CASD1: variants seen among roughly 807,000 people sequenced by gnomAD.
CASD1 encodes the protein CAS1 domain sialic acid O acetyltransferase 1, also known as N-acetylneuraminate (7)9-O-acetyltransferase.
CASD1 carries 41 observed loss-of-function variants against 100.0 expected under a neutral mutation model. The observed-to-expected ratio is 0.41, with a 90% CI of 0.32 to 0.53. CASD1 has a LOEUF of 0.53. Among genes scored for constraint, CASD1 ranks in the 20% least tolerant of loss-of-function variants. The probability of loss-of-function intolerance (pLI) is 0.25; values close to 1 mark genes in which losing one functional copy is unlikely to be tolerated. For synonymous variants in CASD1, 321 were observed against 315.6 expected (o/e 1.02, Z -0.18); for missense variants, 774 against 948.7 (o/e 0.82, Z 2.42).
chr7:94,596,995 C>G, the CASD1 span, among the ~76,000 whole-genome samples: 1 of 152,062 alleles, frequency 6.6e-6, no homozygotes, highest in African/African-American at 2.4e-5. Flanking sequence ...TTGTTAAATT[C>G]TGAATTATTA....
the CASD1 span, among the ~76,000 whole-genome samples, chr7:94,579,486 A>C: frequency 6.6e-6 from 1 of 152,200 alleles, no homozygotes; most frequent in African/African-American, 2.4e-5. Flanking sequence ...ACCTTTAAAA[A>C]TGTAAGATTT....
chr7:94,522,662 A>AT (rs66505752), intron 3 of CASD1, among the ~76,000 whole-genome samples: 146,418 of 148,184 alleles, frequency 0.99, 72,334 homozygotes, highest in Middle Eastern at 0.99. Context: ...ATTTTTATTT[A>AT]TTTTTTTTTT....
At chr7:94,624,261 G>T in the CASD1 span, 1 of 396,492 alleles carries the variant, frequency 2.5e-6, no homozygotes, top group Non-Finnish European at 4.4e-6. Context: ...TGAGACAAAA[G>T]AGTAGGATAA....
intron 7 of CASD1, among the ~76,000 whole-genome samples, chr7:94,534,356 C>T (rs998375548): frequency 6.6e-6 from 1 of 151,652 alleles, no homozygotes; most frequent in Admixed American, 6.6e-5. Context: ...TTGATAGAGA[C>T]AGGGTTTCGC....
the CASD1 span, among the ~76,000 whole-genome samples, chr7:94,596,776 A>G: frequency 6.6e-6 from 1 of 152,128 alleles, no homozygotes; most frequent in Non-Finnish European, 1.5e-5. Flanking sequence ...GATTTGTTTC[A>G]TGTTAGAATT....
At chr7:94,578,451 C>T in the CASD1 span, among the ~76,000 whole-genome samples, 1 of 152,168 alleles carries the variant, frequency 6.6e-6, no homozygotes, top group Non-Finnish European at 1.5e-5. Context: ...GCCCAACTGC[C>T]TGTAGTATAT....
At chr7:94,538,427 C>T (rs1795221980) in intron 9 of CASD1, among the ~76,000 whole-genome samples, 1 of 152,060 alleles carries the variant, frequency 6.6e-6, no homozygotes, top group South Asian at 2.1e-4. Flanking sequence ...AACTTCTTTA[C>T]AAGGCATGAT....
the CASD1 span, chr7:94,599,709 A>G: frequency 1.2e-6 from 2 of 1,609,606 alleles, no homozygotes; most frequent in Non-Finnish European, 1.7e-6. Context: ...TGGTGTTTGC[A>G]TGTTTCTCTT....
chr7:94,551,640 A>G (rs1795954718), intron 15 of CASD1, 162 bp downstream of exon 15: 2 of 283,482 alleles, frequency 7.1e-6, no homozygotes, highest in East Asian at 1.3e-4. Flanking sequence ...TTGATAGGAT[A>G]GCTAGACAAA....
intron 9 of CASD1, among the ~76,000 whole-genome samples, chr7:94,538,689 A>G (rs1795234806): frequency 6.6e-6 from 1 of 152,168 alleles, no homozygotes; most frequent in African/African-American, 2.4e-5. Context: ...TTTAATTTTA[A>G]TACATTGTCA....
the CASD1 span, among the ~76,000 whole-genome samples, chr7:94,567,492 C>T: frequency 3.9e-5 from 6 of 152,022 alleles, no homozygotes; most frequent in African/African-American, 1.4e-4. Flanking sequence ...CATGTGTATA[C>T]TTCATTTTTG....
chr7:94,612,345 T>A, the CASD1 span, among the ~76,000 whole-genome samples: 1 of 152,196 alleles, frequency 6.6e-6, no homozygotes, highest in African/African-American at 2.4e-5. Flanking sequence ...CCAAAAGAAC[T>A]ATTTTCATTT....
intron 3 of CASD1, among the ~76,000 whole-genome samples, chr7:94,523,830 G>GTGGTAT (rs1314957704): frequency 1.1e-4 from 16 of 152,170 alleles, no homozygotes; most frequent in African/African-American, 3.9e-4. Context: ...TTAAAACAGT[G>GTGGTAT]TGGTATTGGT....
intron 3 of CASD1, among the ~76,000 whole-genome samples, chr7:94,519,936 A>G (rs1440088315): frequency 1.3e-5 from 2 of 152,230 alleles, no homozygotes; most frequent in Admixed American, 6.5e-5. Context: ...GAAAAAAGCT[A>G]TAATGGTTTA....
intron 13 of CASD1, among the ~76,000 whole-genome samples, chr7:94,547,629 T>A (rs1455441623): frequency 6.6e-6 from 1 of 151,478 alleles, no homozygotes; most frequent in Non-Finnish European, 1.5e-5. Flanking sequence ...CTATAGTATG[T>A]TTAATTAAAT....
At chr7:94,597,559 G>C in the CASD1 span, 1 of 152,138 alleles carries the variant, frequency 6.6e-6, no homozygotes, top group South Asian at 2.1e-4. Flanking sequence ...GTATGAGAGA[G>C]AGAGAAAGAG....
chr7:94,543,080 C>A (rs963503376), intron 10 of CASD1, among the ~76,000 whole-genome samples: 1 of 152,024 alleles, frequency 6.6e-6, no homozygotes, highest in African/African-American at 2.4e-5. Flanking sequence ...GAAGAACATT[C>A]CAGGGCAAGA....
intron 1 of CASD1, among the ~76,000 whole-genome samples, chr7:94,514,886 A>G (rs1236910400): frequency 2.6e-5 from 4 of 152,026 alleles, no homozygotes; most frequent in Non-Finnish European, 1.5e-5. Flanking sequence ...TGAAAATAAC[A>G]ACCGAAGTTT....
chr7:94,615,248 A>G, the CASD1 span, among the ~76,000 whole-genome samples: 5 of 152,126 alleles, frequency 3.3e-5, no homozygotes, highest in Non-Finnish European at 1.5e-5. Flanking sequence ...AATCTCAGCT[A>G]ATCAGGAGGT....
Sources: gnomAD v4.1 joint callset for allele counts (sites outside exome capture counted in the v4.1 genomes callset) on GRCh38, gnomAD v4.1.1 for gene constraint, MANE v1.5 for transcripts, NCBI Gene and HGNC (gene_info 2026-07-23, HGNC 2026-07-21) for gene names.